Variants in ANK2 observed in about 807,000 individuals in gnomAD.
ANK2 encodes the protein ankyrin 2.
In ANK2, 83 loss-of-function variants were observed where a neutral mutation model predicts 360.5. The ratio of observed to expected loss-of-function variants is 0.23; its 90% CI spans 0.19 to 0.28. The LOEUF (loss-of-function observed/expected upper bound fraction) is 0.28, where lower values mean the gene tolerates loss of function less well. Among genes scored for constraint, ANK2 ranks in the 10% least tolerant of loss-of-function variants. The probability of loss-of-function intolerance (pLI) is 1.00; values close to 1 mark genes in which losing one functional copy is unlikely to be tolerated. For synonymous variants in ANK2, 1,740 were observed against 1,759.5 expected (o/e 0.99, Z 0.28); for missense variants, 4,201 against 4,795.7 (o/e 0.88, Z 3.66).
chr4:112,982,118 G>A (rs1255356754), intron 2 of ANK2, among the ~76,000 whole-genome samples: 4 of 152,014 alleles, frequency 2.6e-5, no homozygotes, highest in African/African-American at 9.7e-5. Context: ...TGTGTTCTGC[G>A]AAAAATAGAT....
At chr4:113,338,174 C>T (rs1386924030) in intron 31 of ANK2, among the ~76,000 whole-genome samples, 1 of 152,146 alleles carries the variant, frequency 6.6e-6, no homozygotes, top group Non-Finnish European at 1.5e-5. Flanking sequence ...AATAAACTTC[C>T]ATAAACTTTC....
intron 1 of ANK2, among the ~76,000 whole-genome samples, chr4:113,102,677 G>C (rs2093052834): frequency 6.6e-6 from 1 of 152,144 alleles, no homozygotes; most frequent in Non-Finnish European, 1.5e-5. Context: ...GTCCAACTGT[G>C]AAGTGCTGTT....
intron 1 of ANK2, among the ~76,000 whole-genome samples, chr4:113,131,908 T>A (rs2096062233): frequency 6.6e-6 from 1 of 152,180 alleles, no homozygotes; most frequent in Non-Finnish European, 1.5e-5. Flanking sequence ...AAGAGTGAAA[T>A]GTATAGACAA....
At chr4:112,815,474 G>C (rs2055563542), upstream of ANK2, among the ~76,000 whole-genome samples, 1 of 152,168 alleles carries the variant, frequency 6.6e-6, no homozygotes, top group Non-Finnish European at 1.5e-5. Context: ...CCTAGATAAT[G>C]AGGAGAGATT....
At chr4:112,852,439 T>G (rs886205332) in intron 1 of ANK2, among the ~76,000 whole-genome samples, 3 of 152,246 alleles carry the variant, frequency 2.0e-5, no homozygotes, top group African/African-American at 7.2e-5. Flanking sequence ...TCCAACTTAT[T>G]TTGAAGGAAT....
At chr4:113,102,168 C>T (rs558107210) in intron 1 of ANK2, among the ~76,000 whole-genome samples, 1 of 151,810 alleles carries the variant, frequency 6.6e-6, no homozygotes, top group East Asian at 1.9e-4. Flanking sequence ...TGGTTATAGA[C>T]CTGGTGAGCA....
chr4:112,907,129 T>C lies in ANK2; in HGVS notation c.21+2615T>C, dbSNP rs115750271. Among the ~76,000 whole-genome samples, 924 of 152,308 alleles carry C rather than the reference T, an allele frequency of 6.1e-3. 4 individuals are homozygous for C. Among genetic ancestry groups the C allele is most frequent in the Non-Finnish European group, 9.5e-3 (649 of 68,022 alleles). The stretch of plus-strand genomic sequence containing the variant: ...GCCTGCTGTCCTTACTCAGGTGTCC[T>C]TAGGTAGGCACATTCTTTCTGCTCT... On this transcript the variant is annotated intron_variant, in intron 2 of 30. Coordinates refer to the ANK2 transcript ENST00000503271.
At chr4:112,870,380 G>C (rs2072510272) in intron 1 of ANK2, among the ~76,000 whole-genome samples, 1 of 152,138 alleles carries the variant, frequency 6.6e-6, no homozygotes, top group South Asian at 2.1e-4. Context: ...CCCTTGCCTA[G>C]TTCAGGCCAT....
chr4:112,788,309 C>G, the ANK2 span: 1 of 1,568,914 alleles, frequency 6.4e-7, no homozygotes, highest in Non-Finnish European at 8.7e-7. Context: ...GTGGACGAGA[C>G]GTCCCAGTCT....
chr4:113,059,111 G>C (rs1220601838), intron 1 of ANK2, among the ~76,000 whole-genome samples: 1 of 152,082 alleles, frequency 6.6e-6, no homozygotes, highest in South Asian at 2.1e-4. Context: ...TGCCCTCATT[G>C]CCAAATCACC....
the ANK2 span, among the ~76,000 whole-genome samples, chr4:112,708,034 C>T: frequency 6.6e-6 from 1 of 152,116 alleles, no homozygotes; most frequent in African/African-American, 2.4e-5. Flanking sequence ...AATTATTGGT[C>T]CTTCCAGTCT....
chr4:112,757,308 C>CG, the ANK2 span, among the ~76,000 whole-genome samples: 1 of 151,800 alleles, frequency 6.6e-6, no homozygotes, highest in African/African-American at 2.4e-5. Flanking sequence ...TTAGTAGAGA[C>CG]GGGGTTTCAC....
rs1011570851 is a variant in ANK2, at chr4:113,293,159, G to C, written c.2377-281G>C. 5.5e-6 allele frequency: 3 copies of C among 545,936 alleles called. No individual in the cohort carries two copies. In the African/African-American group the frequency reaches 5.6e-5, roughly 10 times the overall value. 33.8% of individuals were successfully genotyped at this position (545,936 alleles called of 1,614,324 possible). A position where few individuals can be genotyped will look rare whatever the true frequency, so the allele number is the denominator to read the frequency against. On this transcript the variant is annotated intron_variant, in intron 21 of 45. Coordinates refer to ENST00000357077, the MANE Select transcript of ANK2 (RefSeq NM_001148.6). ...CTTTCTTAAGTGCAATACAGTATTTGTAGAAGATATTTGACAACCTTAGGG... is the reference window on the plus strand; with the variant it reads ...CTTTCTTAAGTGCAATACAGTATTTCTAGAAGATATTTGACAACCTTAGGG...
chr4:113,066,417 T>C lies in ANK2; in HGVS notation c.84+16605T>C, dbSNP rs2075634861. ...AATGCCTTTTAATGACCAGACACCG[T>C]GCCAAATACAAGATACAAAAATGAC... On this transcript the variant is annotated intron_variant, in intron 1 of 45. Transcript: ENST00000357077. Among the ~76,000 whole-genome samples, 2 of 152,194 alleles carry C rather than the reference T, an allele frequency of 1.3e-5. 1 individual carries two copies. Among genetic ancestry groups the C allele is most frequent in the South Asian group, 4.1e-4 (2 of 4,828 alleles).
chr4:113,172,233 A>G (rs1056054403), intron 1 of ANK2, among the ~76,000 whole-genome samples: 1 of 152,170 alleles, frequency 6.6e-6, no homozygotes, highest in South Asian at 2.1e-4. Flanking sequence ...GAGGCACTTT[A>G]TTTAGCAAGT....
At chr4:113,131,682 C>A (rs960146330) in intron 1 of ANK2, among the ~76,000 whole-genome samples, 12 of 152,186 alleles carry the variant, frequency 7.9e-5, no homozygotes, top group Non-Finnish European at 4.4e-5. Flanking sequence ...GGAGACAAAC[C>A]TGTGAAACAG....
At chr4:112,831,394 C>T (rs1294060740) in intron 1 of ANK2, among the ~76,000 whole-genome samples, 1 of 152,114 alleles carries the variant, frequency 6.6e-6, no homozygotes, top group African/African-American at 2.4e-5. Flanking sequence ...TCTAGCTAAT[C>T]TAGTGGGGAC....
chr4:112,812,467 A>T, the ANK2 span, among the ~76,000 whole-genome samples: 1 of 152,182 alleles, frequency 6.6e-6, no homozygotes, highest in African/African-American at 2.4e-5. Context: ...AAAAGACCAT[A>T]AGGAAAAGCA....
chr4:112,836,611 T>G (rs1010113318), intron 1 of ANK2, among the ~76,000 whole-genome samples: 2 of 152,168 alleles, frequency 1.3e-5, no homozygotes, highest in South Asian at 4.1e-4. Context: ...CAGGCTGAGG[T>G]GGTCTCATAT....
Sources: allele counts gnomAD v4.1 joint callset (sites outside exome capture counted in the v4.1 genomes callset), GRCh38; gene constraint gnomAD v4.1.1; transcripts MANE v1.5; gene names NCBI Gene and HGNC (gene_info 2026-07-23, HGNC 2026-07-21).